PODXL: variants seen among roughly 807,000 people sequenced by gnomAD.
The protein encoded by PODXL is podocalyxin like.
In PODXL, 20 loss-of-function variants were observed where a neutral mutation model predicts 48.9. The ratio of observed to expected loss-of-function variants is 0.41; its 90% CI spans 0.29 to 0.59. The LOEUF (loss-of-function observed/expected upper bound fraction) is 0.59. Among genes scored for constraint, PODXL ranks in the 20% least tolerant of loss-of-function variants. The pLI is 0.31. For missense variants in PODXL, 606 were observed against 675.1 expected (o/e 0.90, Z 1.13); for synonymous variants, 295 against 287.4 (o/e 1.03, Z -0.27).
chr7:131,532,629 G>GC lies in PODXL; in HGVS notation c.101-21197dup, dbSNP rs1368002661. Among the ~76,000 whole-genome samples, 6 of 152,102 alleles carry GC rather than the reference G, an allele frequency of 3.9e-5. No individual in the cohort carries two copies. The East Asian group carries it at 1.2e-3, about 30-fold the overall frequency. On this transcript the variant is annotated intron_variant, in intron 1 of 8. Coordinates refer to ENST00000378555, the MANE Select transcript of PODXL (RefSeq NM_001018111.3). The stretch of plus-strand genomic sequence containing the variant: ...AAATGGTCCCCTGCTTGGGCTCAGG[G>GC]CCCCAAAAGTGGGGTGGCTTGACTT...
intron 1 of PODXL, among the ~76,000 whole-genome samples, chr7:131,516,521 GA>G (rs567461527): frequency 8.4e-4 from 125 of 147,934 alleles, no homozygotes; most frequent in Non-Finnish European, 1.5e-3. Flanking sequence ...TGTCTCAGAA[GA>G]AAAAAAAAAG....
At chr7:131,541,347 T>C (rs557985818) in intron 1 of PODXL, among the ~76,000 whole-genome samples, 12 of 129,552 alleles carry the variant, frequency 9.3e-5, no homozygotes, top group South Asian at 2.4e-4. Flanking sequence ...GGGAGTGGAG[T>C]GGAAGTGGGG....
chr7:131,510,118 T>C (rs899356039), intron 3 of PODXL, 118 bp downstream of exon 3: 8 of 392,488 alleles, frequency 2.0e-5, no homozygotes, highest in African/African-American at 1.5e-4. Context: ...GCCATGATCC[T>C]AAGGCTCTTG....
At chr7:131,541,830 C>T (rs770816735) in intron 1 of PODXL, among the ~76,000 whole-genome samples, 2 of 152,252 alleles carry the variant, frequency 1.3e-5, no homozygotes, top group East Asian at 1.9e-4. Context: ...GTGTTTGAGA[C>T]GCTAGAGTTC....
chr7:131,506,962 G>A (rs772367005), intron 5 of PODXL: 1 of 566,064 alleles, frequency 1.8e-6, no homozygotes, highest in African/African-American at 1.9e-5. Context: ...TCTCCGCACT[G>A]TGTTTATCTG....
intron 1 of PODXL, among the ~76,000 whole-genome samples, chr7:131,545,279 A>T (rs1268475437): frequency 6.6e-6 from 1 of 152,238 alleles, no homozygotes; most frequent in African/African-American, 2.4e-5. Context: ...CTCTGGGGCA[A>T]GCAGCCTTCA....
At chr7:131,554,452 A>T (rs1798714412) in intron 1 of PODXL, among the ~76,000 whole-genome samples, 1 of 152,186 alleles carries the variant, frequency 6.6e-6, no homozygotes, top group African/African-American at 2.4e-5. Context: ...GCACTGGGTT[A>T]TGGTCATTTT....
intron 1 of PODXL, among the ~76,000 whole-genome samples, chr7:131,524,100 A>G (rs1798135248): frequency 6.6e-6 from 1 of 152,136 alleles, no homozygotes; most frequent in Non-Finnish European, 1.5e-5. Context: ...CACCTGGCCC[A>G]TCTAACAAAA....
At chr7:131,516,691 A>G (rs1038377961) in intron 1 of PODXL, among the ~76,000 whole-genome samples, 1 of 151,516 alleles carries the variant, frequency 6.6e-6, no homozygotes, top group African/African-American at 2.4e-5. Flanking sequence ...AGAATGTATT[A>G]TAAATAATTG....
chr7:131,542,978 C>A (rs535174033), intron 1 of PODXL, among the ~76,000 whole-genome samples: 1 of 152,296 alleles, frequency 6.6e-6, no homozygotes, highest in African/African-American at 2.4e-5. Context: ...ACCCCTCGGG[C>A]TGGACGCAGG....
chr7:131,539,424 G>A (rs1490718230), intron 1 of PODXL, among the ~76,000 whole-genome samples: 2 of 152,060 alleles, frequency 1.3e-5, no homozygotes, highest in Admixed American at 6.5e-5. Flanking sequence ...TCCGCCTCCC[G>A]GGTTCAAGTG....
intron 1 of PODXL, among the ~76,000 whole-genome samples, chr7:131,517,797 G>A (rs1362249806): frequency 6.6e-6 from 1 of 151,650 alleles, no homozygotes; most frequent in African/African-American, 2.4e-5. Flanking sequence ...GGAGTACAAT[G>A]GCGCAATCTC....
chr7:131,509,182 T>C, intron 4 of PODXL, 154 bp from the exon 5 acceptor site: 1 of 830,504 alleles, frequency 1.2e-6, no homozygotes, highest in Non-Finnish European at 2.0e-6. Context: ...CCTGGCTGCG[T>C]GGCTTGAGGG....
intron 1 of PODXL, among the ~76,000 whole-genome samples, chr7:131,540,877 A>G (rs1436463845): frequency 6.6e-6 from 1 of 152,192 alleles, no homozygotes; most frequent in African/African-American, 2.4e-5. Flanking sequence ...TGAAACGGAG[A>G]GTGCCTCTGG....
intron 7 of PODXL, 29 bp downstream of exon 7, chr7:131,506,231 T>C (rs762476923): frequency 3.7e-5 from 59 of 1,611,656 alleles, no homozygotes; most frequent in Non-Finnish European, 4.9e-5. Flanking sequence ...TCGGAGCCAC[T>C]CTGTCCCCAC....
chr7:131,529,434 T>G (rs1404390043), intron 1 of PODXL, among the ~76,000 whole-genome samples: 3 of 151,994 alleles, frequency 2.0e-5, no homozygotes, highest in Admixed American at 6.6e-5. Context: ...TTTCCAGACC[T>G]GGGATTGACT....
intron 1 of PODXL, among the ~76,000 whole-genome samples, chr7:131,554,877 A>G (rs962556582): frequency 2.6e-5 from 4 of 152,184 alleles, no homozygotes; most frequent in African/African-American, 9.7e-5. Context: ...CTCTCGTGTC[A>G]TCTCAACCCT....
chr7:131,556,288 C>CGGCGAA lies in PODXL; in HGVS notation c.71_72insTTCGCC (p.Pro30_Ser31dup). Reference sequence around the variant, plus strand: ...TCTGGGAGGGCGACGGCGACGGCGACGGCGACGACGGCAGCAGCGGCGGCG... The same window carrying CGGCGAA: ...TCTGGGAGGGCGACGGCGACGGCGACGGCGAAGGCGACGACGGCAGCAGCGGCGGCG... On this transcript the variant is annotated inframe_insertion, in exon 1 of 9. Coordinates refer to ENST00000378555, the MANE Select transcript of PODXL (RefSeq NM_001018111.3). 1 of 1,490,438 alleles carries CGGCGAA rather than the reference C, an allele frequency of 6.7e-7. No homozygotes were observed. Among genetic ancestry groups the CGGCGAA allele is most frequent in the Non-Finnish European group, 8.9e-7 (1 of 1,123,066 alleles). The allele number at this position is 1,490,438 out of a possible 1,614,324, so 92.3% of individuals were successfully genotyped here. A position where few individuals can be genotyped will look rare whatever the true frequency, so the allele number is the denominator to read the frequency against.
At chr7:131,512,319 T>C (rs907747223) in intron 1 of PODXL, among the ~76,000 whole-genome samples, 1 of 152,048 alleles carries the variant, frequency 6.6e-6, no homozygotes, top group Admixed American at 6.6e-5. Flanking sequence ...ACTAACCACC[T>C]GGACAGAGCA....
Sources: gnomAD v4.1 joint callset for allele counts (sites outside exome capture counted in the v4.1 genomes callset) on GRCh38, gnomAD v4.1.1 for gene constraint, MANE v1.5 for transcripts, NCBI Gene and HGNC (gene_info 2026-07-23, HGNC 2026-07-21) for gene names.